ATP13A4: variants seen among roughly 807,000 people sequenced by gnomAD.
ATP13A4 encodes the protein probable cation-transporting ATPase 13A4.
ATP13A4 carries 114 observed loss-of-function variants against 142.5 expected under a neutral mutation model. The observed-to-expected ratio is 0.80, with a 90% CI of 0.69 to 0.93. The LOEUF is 0.93. Among genes scored for constraint, ATP13A4 ranks in the 40% least tolerant of loss-of-function variants. ATP13A4 has a pLI of 0.00. For synonymous variants in ATP13A4, 488 were observed against 514.8 expected, an observed-to-expected ratio of 0.95 and a Z score of 0.70; for missense variants, 1,392 against 1,454.0, an observed-to-expected ratio of 0.96 and a Z score of 0.69.
At chr3:193,485,587 T>C (rs1226327882) in intron 7 of ATP13A4, among the ~76,000 whole-genome samples, 1 of 150,908 alleles carries the variant, frequency 6.6e-6, no homozygotes, top group Non-Finnish European at 1.5e-5. Context: ...GAAATACGAT[T>C]ATCAAAGTAT....
intron 29 of ATP13A4, among the ~76,000 whole-genome samples, chr3:193,406,052 G>C (rs568860039): frequency 6.6e-6 from 1 of 152,156 alleles, no homozygotes; most frequent in Admixed American, 6.5e-5. Context: ...CCCTGAACTA[G>C]TCTCATCAGA....
chr3:193,482,661 C>G (rs898173100), intron 8 of ATP13A4, among the ~76,000 whole-genome samples: 1 of 152,154 alleles, frequency 6.6e-6, no homozygotes, highest in East Asian at 1.9e-4. Context: ...ATGTTCAATG[C>G]CATTAGTCAT....
Position 193,467,385 on chromosome 3 carries a change from A to G in ATP13A4, c.1045T>C (p.Cys349Arg). The G allele has an allele frequency of 1.2e-6, 2 of 1,614,154 alleles. No individual in the cohort carries two copies. Among genetic ancestry groups the G allele is most frequent in the South Asian group, 1.1e-5 (1 of 91,082 alleles). Residue 349 changes from cysteine to arginine, a missense_variant, in exon 10 of 30, where the codon TGT (cysteine) becomes CGT (arginine). Transcript: ENST00000342695. Reference sequence around the variant, plus strand: ...TTGGCCTGGATAACCTCTGTTCCACAGAAGAGGACATGCCGCTTGTAATCC... The same window carrying G: ...TTGGCCTGGATAACCTCTGTTCCACGGAAGAGGACATGCCGCTTGTAATCC... ...EADYKRHVLFCGTEVIQAKAA... is the reference protein window; with the variant it reads ...EADYKRHVLFRGTEVIQAKAA...
At chr3:193,547,818 C>T (rs963741472) in intron 1 of ATP13A4, among the ~76,000 whole-genome samples, 3 of 152,142 alleles carry the variant, frequency 2.0e-5, no homozygotes, top group Non-Finnish European at 4.4e-5. Context: ...TATCACCATC[C>T]TGAAATTCTT....
At chr3:193,545,745 T>C (rs1222540115) in intron 1 of ATP13A4, among the ~76,000 whole-genome samples, 1 of 152,194 alleles carries the variant, frequency 6.6e-6, no homozygotes, top group Non-Finnish European at 1.5e-5. Flanking sequence ...CCTATACGGT[T>C]CGGCACTGTT....
chr3:193,540,068 A>G (rs372506514), intron 1 of ATP13A4, among the ~76,000 whole-genome samples: 32 of 152,292 alleles, frequency 2.1e-4, no homozygotes, highest in African/African-American at 7.7e-4. Flanking sequence ...TTGTGACCAC[A>G]GAAGATAGAA....
rs1251776185 is a variant in ATP13A4, at chr3:193,458,658, T to A, written c.1674+423A>T. On this transcript the variant is annotated intron_variant, in intron 14 of 29. Coordinates refer to ENST00000342695, the MANE Select transcript of ATP13A4 (RefSeq NM_032279.4). ...ATGAAATTAATAGAAATAAGACTTA[T>A]AGTCCCCGTGAATCTATGAGTTATC... The A allele has an allele frequency of 5.0e-5, 13 of 258,012 alleles. No individual in the cohort carries two copies. In the East Asian group the frequency reaches 1.0e-3, roughly 20 times the overall value. 16.0% of individuals were successfully genotyped at this position (258,012 alleles called of 1,614,324 possible). A position where few individuals can be genotyped will look rare whatever the true frequency, so the allele number is the denominator to read the frequency against.
At chr3:193,576,429 G>T (rs1024298301) in intron 2 of ATP13A4, among the ~76,000 whole-genome samples, 5 of 149,550 alleles carry the variant, frequency 3.3e-5, no homozygotes, top group Admixed American at 6.6e-5. Context: ...CCGCCACCGC[G>T]CCCGGCTAAT....
chr3:193,426,107 C>T (rs1260886388), intron 25 of ATP13A4, among the ~76,000 whole-genome samples: 1 of 151,690 alleles, frequency 6.6e-6, no homozygotes, highest in Non-Finnish European at 1.5e-5. Flanking sequence ...CAAGAGCCTA[C>T]ATACTGAAAA....
At chr3:193,509,445 T>C (rs1176807438) in intron 2 of ATP13A4, among the ~76,000 whole-genome samples, 1 of 152,148 alleles carries the variant, frequency 6.6e-6, no homozygotes, top group African/African-American at 2.4e-5. Flanking sequence ...GCTCCTCAAA[T>C]GTATAAAAAA....
intron 3 of ATP13A4, among the ~76,000 whole-genome samples, chr3:193,499,116 CA>C (rs901566542): frequency 3.9e-5 from 6 of 152,168 alleles, no homozygotes; most frequent in African/African-American, 7.2e-5. Context: ...TCAAAGTTAC[CA>C]AATAGCATGT....
chr3:193,541,373 G>GATCACAGATTATCTATCTGTGATTATCA (rs1560270201), intron 1 of ATP13A4, among the ~76,000 whole-genome samples: 3 of 92,258 alleles, frequency 3.3e-5, no homozygotes, highest in Non-Finnish European at 5.7e-5. Flanking sequence ...TGTGATTATC[G>GATCACAGATTATCTATCTGTGATTATCA]ATCACAGATT....
intron 1 of ATP13A4, among the ~76,000 whole-genome samples, chr3:193,542,908 G>A (rs551991996): frequency 2.4e-4 from 36 of 152,314 alleles, no homozygotes; most frequent in East Asian, 1.5e-3. Context: ...GCTCACGCCT[G>A]TAATCCCAGC....
At chr3:193,476,013 ATAAAG>A (rs1718944010) in intron 8 of ATP13A4, among the ~76,000 whole-genome samples, 1 of 152,068 alleles carries the variant, frequency 6.6e-6, no homozygotes, top group Admixed American at 6.5e-5. Context: ...AGTACAATGA[ATAAAG>A]TAAAGTAAAA....
At chr3:193,570,537 C>CA (rs1220095505) in intron 2 of ATP13A4, among the ~76,000 whole-genome samples, 1 of 152,052 alleles carries the variant, frequency 6.6e-6, no homozygotes, top group African/African-American at 2.4e-5. Context: ...ATTGACAAAT[C>CA]AGAAGGGGAA....
chr3:193,563,023 C>T (rs895333390), intron 2 of ATP13A4, among the ~76,000 whole-genome samples: 1 of 152,002 alleles, frequency 6.6e-6, no homozygotes, highest in Non-Finnish European at 1.5e-5. Flanking sequence ...CTCCATGATA[C>T]GGTATTGTTG....
chr3:193,579,775 C>G (rs1225563843), intron 2 of ATP13A4, among the ~76,000 whole-genome samples: 4 of 152,202 alleles, frequency 2.6e-5, no homozygotes, highest in Non-Finnish European at 5.9e-5. Flanking sequence ...TCTTGCGTCT[C>G]CTGCTCAAGC....
At chr3:193,441,722 C>T (rs963085437) in intron 19 of ATP13A4, 134 bp from the exon 20 acceptor site, 1 of 1,084,740 alleles carries the variant, frequency 9.2e-7, no homozygotes, top group African/African-American at 1.6e-5. Flanking sequence ...CTCAGAGAAG[C>T]ATTTTCTTTT....
At chr3:193,577,483 G>A (rs1040092423) in intron 2 of ATP13A4, among the ~76,000 whole-genome samples, 3 of 152,212 alleles carry the variant, frequency 2.0e-5, no homozygotes, top group South Asian at 4.1e-4. Context: ...ACAATACCAC[G>A]AACCTACTTT....
Sources: gnomAD v4.1 joint callset for allele counts (sites outside exome capture counted in the v4.1 genomes callset) on GRCh38, gnomAD v4.1.1 for gene constraint, MANE v1.5 for transcripts, NCBI Gene and HGNC (gene_info 2026-07-23, HGNC 2026-07-21) for gene names.